The following SLMAP variants were observed in gnomAD, a reference collection of about 807,000 sequenced individuals.
SLMAP encodes the protein sarcolemma associated protein.
Under a neutral mutation model 128.8 loss-of-function variants are expected in SLMAP, and 44 were observed. The ratio of observed to expected loss-of-function variants is 0.34; its 90% CI spans 0.27 to 0.44. The LOEUF is 0.44. Ranked by LOEUF, SLMAP falls within the 20% of genes least tolerant of loss-of-function variation. The pLI is 1.00. For missense variants in SLMAP, 787 were observed against 985.3 expected, an observed-to-expected ratio of 0.80 and a Z score of 2.69; for synonymous variants, 327 against 348.8, an observed-to-expected ratio of 0.94 and a Z score of 0.70.
intron 2 of SLMAP, among the ~76,000 whole-genome samples, chr3:57,778,712 A>G (rs140831494): frequency 6.6e-6 from 1 of 151,154 alleles, no homozygotes; most frequent in African/African-American, 2.4e-5. Flanking sequence ...AGTAGCTAGG[A>G]CTACAGGTGC....
intron 2 of SLMAP, among the ~76,000 whole-genome samples, chr3:57,813,478 G>GA (rs1481186717): frequency 6.6e-6 from 1 of 152,100 alleles, no homozygotes; most frequent in African/African-American, 2.4e-5. Flanking sequence ...CCAGGACAGT[G>GA]AGCCTTCTGT....
chr3:57,820,967 G>C (rs1340786327), intron 2 of SLMAP, among the ~76,000 whole-genome samples: 1 of 152,158 alleles, frequency 6.6e-6, no homozygotes, highest in Non-Finnish European at 1.5e-5. Context: ...ACCCTGACAG[G>C]TATATAGAGG....
rs370737278 is a variant in SLMAP at position 57,853,576 on chromosome 3, C to T, written c.519+3760C>T. On this transcript the variant is annotated intron_variant, in intron 6 of 24. Coordinates refer to ENST00000671191, the MANE Select transcript of SLMAP (RefSeq NM_001377540.1). ...ACCTTGATTCTGAGTAAAGGAGTCT[C>T]GCTTAACAGCTATTAACTGTTAACA... 1.7e-4 allele frequency among the ~76,000 whole-genome samples: 26 copies of T among 152,112 alleles called. No homozygotes were observed. The South Asian group carries it at 5.4e-3, about 32-fold the overall frequency.
At chr3:57,840,874 T>C (rs2153563007) in intron 3 of SLMAP, among the ~76,000 whole-genome samples, 1 of 152,264 alleles carries the variant, frequency 6.6e-6, no homozygotes, top group Non-Finnish European at 1.5e-5. Context: ...TGCAGAACTT[T>C]AGAGTTTTGT....
rs763740777 is a variant in SLMAP at position 57,857,776 on chromosome 3, C to T, written c.563C>T (p.Thr188Met). The change falls in exon 7 of 25, where the codon ACG (threonine) becomes ATG (methionine). Residue 188 changes from threonine (T) to methionine (M), a missense_variant. Physicochemically the swap from Thr to Met is moderately conservative, Grantham distance 81. Coordinates refer to ENST00000671191, the MANE Select transcript of SLMAP (RefSeq NM_001377540.1). ...CAAATGTTGGAACAGAAGTTAGCCA[C>T]GCTTCAGCGGCTACTAGCCATCACC... ...REQMLEQKLATLQRLLAITQE... is the reference protein window; with the variant it reads ...REQMLEQKLAMLQRLLAITQE... The T allele has an allele frequency of 1.3e-5, 21 of 1,613,730 alleles. No homozygotes were observed. Among genetic ancestry groups the T allele is most frequent in the South Asian group, 6.6e-5 (6 of 91,076 alleles).
chr3:57,886,954 G>A (rs969436064), intron 14 of SLMAP, among the ~76,000 whole-genome samples: 6 of 152,066 alleles, frequency 3.9e-5, no homozygotes, highest in African/African-American at 1.4e-4. Flanking sequence ...ATGCTTAATG[G>A]GTATAGGGTT....
rs187689078 is a variant in SLMAP at position 57,839,127 on chromosome 3, A to T, written c.347-2172A>T. ...CCACCCCCACCCTGCTAATTTTAAA[A>T]TTTTTTGTAGAGAGTGGGTCTCACT... On this transcript the variant is annotated intron_variant, in intron 3 of 24. Transcript: ENST00000671191. Among the ~76,000 whole-genome samples the T allele has an allele frequency of 9.2e-5, 14 of 151,540 alleles. No individual in the cohort carries two copies. The East Asian group carries it at 2.2e-3, about 23-fold the overall frequency.
At chr3:57,853,995 ATATATT>A (rs1432723994) in intron 6 of SLMAP, among the ~76,000 whole-genome samples, 13 of 110,300 alleles carry the variant, frequency 1.2e-4, no homozygotes, top group African/African-American at 4.2e-4. Flanking sequence ...ATATATATAT[ATATATT>A]TACATATAAT....
intron 22 of SLMAP, among the ~76,000 whole-genome samples, chr3:57,921,167 C>T (rs971776009): frequency 3.3e-5 from 5 of 152,078 alleles, no homozygotes; most frequent in Non-Finnish European, 7.3e-5. Flanking sequence ...ATTTCAGCCT[C>T]CAGGCACCAT....
intron 13 of SLMAP, among the ~76,000 whole-genome samples, chr3:57,868,936 T>G (rs1021289220): frequency 1.4e-3 from 189 of 134,764 alleles, no homozygotes; most frequent in Non-Finnish European, 2.4e-3. Flanking sequence ...TAATATATGT[T>G]ATATGTGTGT....
At chr3:57,867,513 G>A (rs565167823) in intron 13 of SLMAP, among the ~76,000 whole-genome samples, 1 of 152,028 alleles carries the variant, frequency 6.6e-6, no homozygotes, top group Non-Finnish European at 1.5e-5. Flanking sequence ...TTGTGTGCTT[G>A]CTTTTTTGGT....
chr3:57,904,677 G>A (rs72878806), intron 17 of SLMAP, among the ~76,000 whole-genome samples: 5,623 of 152,220 alleles, frequency 0.037, 362 homozygotes, highest in African/African-American at 0.13. Context: ...GGGAGGCCGA[G>A]GATCACTTAA....
intron 13 of SLMAP, among the ~76,000 whole-genome samples, chr3:57,869,339 G>C (rs1224297637): frequency 2.0e-5 from 3 of 150,950 alleles, no homozygotes; most frequent in African/African-American, 7.3e-5. Context: ...GCCTTTCCCA[G>C]CCTACTGACT....
At chr3:57,762,056 A>G (rs78384443) in intron 2 of SLMAP, among the ~76,000 whole-genome samples, 1 of 149,156 alleles carries the variant, frequency 6.7e-6, no homozygotes, top group African/African-American at 2.5e-5. Context: ...TCCGTCTCAA[A>G]AAAAAAAAAA....
intron 3 of SLMAP, among the ~76,000 whole-genome samples, chr3:57,838,168 A>G (rs564862535): frequency 3.7e-4 from 57 of 152,242 alleles, no homozygotes; most frequent in Non-Finnish European, 7.3e-4. Flanking sequence ...TTTTTTAAAA[A>G]AACAACTTTC....
At chr3:57,864,128 C>T (rs1204732153) in intron 10 of SLMAP, among the ~76,000 whole-genome samples, 1 of 152,142 alleles carries the variant, frequency 6.6e-6, no homozygotes, top group Non-Finnish European at 1.5e-5. Flanking sequence ...GTCAGGTTAG[C>T]CGGGCGCAGT....
intron 14 of SLMAP, among the ~76,000 whole-genome samples, chr3:57,889,119 C>T (rs958019333): frequency 2.0e-5 from 3 of 152,148 alleles, no homozygotes; most frequent in South Asian, 4.1e-4. Flanking sequence ...CTCCTGACCT[C>T]GTGATCCACC....
At chr3:57,882,247 G>A (rs1369062558) in intron 14 of SLMAP, among the ~76,000 whole-genome samples, 3 of 152,100 alleles carry the variant, frequency 2.0e-5, no homozygotes, top group African/African-American at 7.2e-5. Flanking sequence ...AAGTGAGTAA[G>A]ACAAAGAAGG....
chr3:57,803,045 G>A (rs1364954711), intron 2 of SLMAP, among the ~76,000 whole-genome samples: 1 of 152,178 alleles, frequency 6.6e-6, no homozygotes, highest in Admixed American at 6.5e-5. Context: ...TATGCAGTAT[G>A]AGTGTAATAA....
Sources: gnomAD v4.1 joint callset for allele counts (sites outside exome capture counted in the v4.1 genomes callset) on GRCh38, gnomAD v4.1.1 for gene constraint, MANE v1.5 for transcripts, NCBI Gene and HGNC (gene_info 2026-07-23, HGNC 2026-07-21) for gene names.